DIRAS2: variants seen among roughly 807,000 people sequenced by gnomAD.
The protein encoded by DIRAS2 is DIRAS family GTPase 2, also known as GTP-binding protein Di-Ras2.
DIRAS2 carries 5 observed loss-of-function variants against 13.9 expected under a neutral mutation model. The observed-to-expected ratio is 0.36, with a 90% CI of 0.19 to 0.76. DIRAS2 has a LOEUF of 0.76. DIRAS2 is among the 30% of genes least tolerant of loss of function. The pLI, the probability that DIRAS2 is intolerant of heterozygous loss-of-function variation, is 0.53. For synonymous variants in DIRAS2, 111 were observed against 105.4 expected (o/e 1.05, Z -0.33); for missense variants, 191 against 263.0 (o/e 0.73, Z 1.89).
chr9:90,627,124 TTTC>T (rs749798407), intron 1 of DIRAS2, among the ~76,000 whole-genome samples: 1 of 152,164 alleles, frequency 6.6e-6, no homozygotes, highest in Non-Finnish European at 1.5e-5. Context: ...CAACTCTCTA[TTTC>T]TTCTGCTTTC....
chr9:90,641,178 C>T (rs1825415796), intron 1 of DIRAS2, among the ~76,000 whole-genome samples: 1 of 152,326 alleles, frequency 6.6e-6, no homozygotes, highest in East Asian at 1.9e-4. Flanking sequence ...TTGTTAGACA[C>T]AAGCTGAAAA....
rs1825129547 is a variant in DIRAS2, at chr9:90,612,937, C to T, written c.*291G>A. On this transcript the variant is annotated 3_prime_UTR_variant, in exon 2 of 2. Transcript: ENST00000375765. ...GCTTTGTGGGTACCAGTCCTCCCTC[C>T]CACCTTCGGGTGTTCATCGCCACCT... 3 of 413,342 alleles carry T rather than the reference C, an allele frequency of 7.3e-6. No homozygotes were observed. In the South Asian group the frequency reaches 7.6e-5, roughly 10 times the overall value. The allele number at this position is 413,342 out of a possible 1,614,324, so 25.6% of individuals were successfully genotyped here.
In DIRAS2 at chr9:90,632,350, AC is replaced by A. The variant is rs559678164; in HGVS notation, c.-37+10401del. ...TCACCTGGCATGCTTCTGCCTCAGG[AC>A]CTTTGCCCTGGTTGCTCCCACTACC... is the stretch of plus-strand genomic sequence containing the variant. On this transcript the variant is annotated intron_variant, in intron 1 of 1. Coordinates refer to ENST00000375765, the MANE Select transcript of DIRAS2 (RefSeq NM_017594.5). Among the ~76,000 whole-genome samples the A allele has an allele frequency of 2.4e-3, 366 of 152,120 alleles. 5 individuals are homozygous for A. The highest frequency in any genetic ancestry group is 8.4e-3 in the African/African-American group (347 of 41,492).
At chr9:90,630,349 A>G (rs1825313399) in intron 1 of DIRAS2, among the ~76,000 whole-genome samples, 1 of 152,220 alleles carries the variant, frequency 6.6e-6, no homozygotes, top group African/African-American at 2.4e-5. Flanking sequence ...AAACCACTCA[A>G]AGGTTGGCAA....
chr9:90,619,581 A>G (rs566095480), intron 1 of DIRAS2, among the ~76,000 whole-genome samples: 2 of 152,344 alleles, frequency 1.3e-5, no homozygotes, highest in African/African-American at 2.4e-5. Context: ...ACCTTTGTGC[A>G]TTGTGCATTG....
At chr9:90,614,353 T>TGTGTGTGA (rs1491454540) in intron 1 of DIRAS2, among the ~76,000 whole-genome samples, 38 of 138,996 alleles carry the variant, frequency 2.7e-4, no homozygotes, top group Admixed American at 2.5e-3. Flanking sequence ...TGTGTGTGTG[T>TGTGTGTGA]GAGAAATACT....
At chr9:90,621,621 A>G (rs2118553933) in intron 1 of DIRAS2, among the ~76,000 whole-genome samples, 1 of 152,346 alleles carries the variant, frequency 6.6e-6, no homozygotes, top group East Asian at 1.9e-4. Context: ...TCTTTTATGC[A>G]TAGTCAGTCC....
intron 1 of DIRAS2, among the ~76,000 whole-genome samples, chr9:90,622,983 T>G (rs2118556702): frequency 6.6e-6 from 1 of 152,374 alleles, no homozygotes; most frequent in East Asian, 1.9e-4. Flanking sequence ...ATTGTACCTA[T>G]TCTTGATTTC....
intron 1 of DIRAS2, among the ~76,000 whole-genome samples, chr9:90,616,736 C>CAAAAAAAAAAAAAAAAAAA (rs11422558): frequency 1.1e-5 from 1 of 88,504 alleles, no homozygotes. Flanking sequence ...GACTCCATCA[C>CAAAAAAAAAAAAAAAAAAA]AAAAAAAAAA....
At chr9:90,624,530 A>T (rs531562390) in intron 1 of DIRAS2, among the ~76,000 whole-genome samples, 1 of 152,330 alleles carries the variant, frequency 6.6e-6, no homozygotes, top group Admixed American at 6.5e-5. Context: ...GTGGAGATAA[A>T]TGGGGCACTT....
At chr9:90,623,651 C>T (rs1240663291) in intron 1 of DIRAS2, among the ~76,000 whole-genome samples, 1 of 152,140 alleles carries the variant, frequency 6.6e-6, no homozygotes, top group Non-Finnish European at 1.5e-5. Context: ...TTAGAAGAAA[C>T]TTGAATTCTT....
rs374710687 is a variant in DIRAS2, at chr9:90,613,860, G to A, written c.-33C>T. ...GAGAGCTCCAACTCTCAGCCAGGAC[G>A]CACCTAGCAAAGGAACCAGATGTTT... On this transcript the variant is annotated 5_prime_UTR_variant, in exon 2 of 2. Transcript: ENST00000375765. This position sits in a 1 kb window ranked among gnomAD's most constrained non-coding sequence, Gnocchi z 5.6. 4.4e-6 allele frequency: 7 copies of A among 1,577,316 alleles called. No homozygotes were observed. Among genetic ancestry groups the A allele is most frequent in the East Asian group, 4.5e-5 (2 of 44,470 alleles).
chr9:90,630,400 C>T (rs547298402), intron 1 of DIRAS2, among the ~76,000 whole-genome samples: 25 of 152,310 alleles, frequency 1.6e-4, no homozygotes, highest in African/African-American at 3.4e-4. Context: ...TATGTGATAA[C>T]GTGATAGAGG....
chr9:90,616,481 T>C (rs909083733), intron 1 of DIRAS2, among the ~76,000 whole-genome samples: 1 of 152,128 alleles, frequency 6.6e-6, no homozygotes, highest in East Asian at 1.9e-4. Context: ...ATTTGAGATA[T>C]CAGGAAGAAT....
chr9:90,613,752 T>C lies in DIRAS2; in HGVS notation c.76A>G (p.Arg26Gly). Residue 26 changes from arginine (R) to glycine (G), a missense_variant, in exon 2 of 2, where the codon AGG (arginine) becomes GGG (glycine). By Grantham distance (125) the Arg-to-Gly change is moderately radical. Transcript: ENST00000375765. This position sits in a 1 kb window ranked among gnomAD's most constrained non-coding sequence, Gnocchi z 5.6. ...TCCCGGAATGTGCCTTTCACAAACC[T>C]CAACACCAGGGAGCTCTTGCCAACA... The part of the protein sequence containing the change: ...GGVGKSSLVL[R>G]FVKGTFRESY... The C allele has an allele frequency of 1.2e-6, 2 of 1,614,044 alleles. No homozygotes were observed. Among genetic ancestry groups the C allele is most frequent in the Non-Finnish European group, 8.5e-7 (1 of 1,180,002 alleles).
chr9:90,636,273 C>T (rs546825713), intron 1 of DIRAS2, among the ~76,000 whole-genome samples: 3 of 151,852 alleles, frequency 2.0e-5, no homozygotes, highest in African/African-American at 4.8e-5. Context: ...CTCCTGACCT[C>T]GTGATCCACC....
At position 90,613,501 on chromosome 9, in the gene DIRAS2, C is replaced by T; in HGVS notation, c.327G>A (p.Gly109=). Residue 109 remains glycine, a synonymous_variant, in exon 2 of 2, where the codon GGG becomes GGA. Coordinates refer to ENST00000375765, the MANE Select transcript of DIRAS2 (RefSeq NM_017594.5). The surrounding 1 kb of genome is among the most constrained non-coding windows in gnomAD (Gnocchi z 5.6). Reference sequence around the variant, plus strand: ...GCATGATGGGGATGCTCTCCACGTCCCCTTTGATCTCGCAGATTTGTTCGT... The same window carrying T: ...GCATGATGGGGATGCTCTCCACGTCTCCTTTGATCTCGCAGATTTGTTCGT... The part of the protein sequence containing the change: ...PIYEQICEIK[G]DVESIPIMLV... 1 of 1,614,080 alleles carries T rather than the reference C, an allele frequency of 6.2e-7. No individual in the cohort carries two copies. The highest frequency in any genetic ancestry group is 8.5e-7 in the Non-Finnish European group (1 of 1,180,012).
intron 1 of DIRAS2, among the ~76,000 whole-genome samples, chr9:90,624,361 A>T (rs574767562): frequency 4.6e-5 from 7 of 152,306 alleles, no homozygotes; most frequent in Admixed American, 1.3e-4. Flanking sequence ...CCATGGATCA[A>T]CTTTATCCAG....
intron 1 of DIRAS2, among the ~76,000 whole-genome samples, chr9:90,617,499 T>C (rs1016216219): frequency 3.3e-5 from 5 of 152,238 alleles, no homozygotes; most frequent in African/African-American, 1.2e-4. Context: ...TTAAACTTTC[T>C]GCATTTGAGT....
Sources: allele counts gnomAD v4.1 joint callset (sites outside exome capture counted in the v4.1 genomes callset), GRCh38; gene constraint gnomAD v4.1.1; non-coding constraint Gnocchi (gnomAD v3.1); transcripts MANE v1.5; gene names NCBI Gene and HGNC (gene_info 2026-07-23, HGNC 2026-07-21).